FGF14: variants seen among roughly 807,000 people sequenced by gnomAD.
The protein encoded by FGF14 is fibroblast growth factor homologous factor 4.
A neutral mutation model predicts 25.5 loss-of-function variants in FGF14; 5 were observed. That is an observed-to-expected ratio of 0.20 (90% CI 0.10 to 0.41). The LOEUF (loss-of-function observed/expected upper bound fraction) is 0.41. Among genes scored for constraint, FGF14 ranks in the 10% least tolerant of loss-of-function variants. The probability of loss-of-function intolerance (pLI) is 1.00; values close to 1 mark genes in which losing one functional copy is unlikely to be tolerated. For missense variants in FGF14, 222 were observed against 320.1 expected, an observed-to-expected ratio of 0.69 and a Z score of 2.34; for synonymous variants, 138 against 118.3, an observed-to-expected ratio of 1.17 and a Z score of -1.08.
chr13:102,105,888 C>T (rs1049198611), intron 1 of FGF14, among the ~76,000 whole-genome samples: 1 of 152,128 alleles, frequency 6.6e-6, no homozygotes, highest in African/African-American at 2.4e-5. Flanking sequence ...ATGGCATTAT[C>T]TATTAATTAT....
chr13:102,349,958 G>A (rs1001794959), intron 1 of FGF14, among the ~76,000 whole-genome samples: 4 of 152,188 alleles, frequency 2.6e-5, no homozygotes, highest in African/African-American at 4.8e-5. Flanking sequence ...ACACATGTGC[G>A]TGCACACTGA....
chr13:101,985,720 T>G (rs4097137), intron 1 of FGF14, among the ~76,000 whole-genome samples: 5,861 of 152,198 alleles, frequency 0.039, 339 homozygotes, highest in African/African-American at 0.13. Flanking sequence ...ATGCTATGCA[T>G]AAATTTGTGA....
intron 1 of FGF14, among the ~76,000 whole-genome samples, chr13:101,988,453 AC>A (rs1041883917): frequency 3.9e-4 from 60 of 152,182 alleles, no homozygotes; most frequent in African/African-American, 1.3e-3. Context: ...CTTGGAACCA[AC>A]CCAAATGTCC....
At chr13:101,851,731 A>G (rs2043861049) in intron 3 of FGF14, among the ~76,000 whole-genome samples, 1 of 152,086 alleles carries the variant, frequency 6.6e-6, no homozygotes, top group Non-Finnish European at 1.5e-5. Context: ...AGTGTAAGGC[A>G]TCATTCTGAG....
intron 1 of FGF14, among the ~76,000 whole-genome samples, chr13:101,989,960 G>C (rs547312083): frequency 6.6e-6 from 1 of 152,180 alleles, no homozygotes; most frequent in East Asian, 1.9e-4. Context: ...TTTATTATAA[G>C]ATTAATAAAT....
At chr13:102,124,295 T>C (rs1186695685) in intron 1 of FGF14, among the ~76,000 whole-genome samples, 1 of 150,670 alleles carries the variant, frequency 6.6e-6, no homozygotes, top group East Asian at 2.0e-4. Flanking sequence ...AAAGGTAGTA[T>C]AGGAAAGCAT....
intron 1 of FGF14, among the ~76,000 whole-genome samples, chr13:102,239,031 C>T (rs2051459910): frequency 6.6e-6 from 1 of 151,808 alleles, no homozygotes; most frequent in Admixed American, 6.6e-5. Flanking sequence ...AGAGGCAGAA[C>T]ACTTCACTGC....
At chr13:101,744,262 T>C (rs1220723376) in intron 3 of FGF14, among the ~76,000 whole-genome samples, 1 of 151,998 alleles carries the variant, frequency 6.6e-6, no homozygotes, top group African/African-American at 2.4e-5. Context: ...ATCCTACAGA[T>C]CTACATCCAG....
At chr13:102,313,902 A>G (rs924417167) in intron 1 of FGF14, among the ~76,000 whole-genome samples, 4 of 152,154 alleles carry the variant, frequency 2.6e-5, no homozygotes, top group African/African-American at 9.7e-5. Flanking sequence ...TAAAATACCA[A>G]TTATTTTCTC....
chr13:101,936,647 CT>C (rs1212366182), intron 1 of FGF14, among the ~76,000 whole-genome samples: 2 of 152,178 alleles, frequency 1.3e-5, no homozygotes, highest in African/African-American at 4.8e-5. Context: ...AATATATCCT[CT>C]GGGAGCTAGC....
intron 1 of FGF14, among the ~76,000 whole-genome samples, chr13:101,891,733 T>A (rs1249877200): frequency 6.6e-6 from 1 of 152,082 alleles, no homozygotes; most frequent in Non-Finnish European, 1.5e-5. Flanking sequence ...CACACATATA[T>A]AAATATACAT....
At chr13:101,850,683 A>G (rs1053248420) in intron 3 of FGF14, among the ~76,000 whole-genome samples, 1 of 143,242 alleles carries the variant, frequency 7.0e-6, no homozygotes, top group Admixed American at 7.2e-5. Context: ...TAGAATATAT[A>G]TAGAATATAT....
intron 3 of FGF14, among the ~76,000 whole-genome samples, chr13:101,818,948 T>C (rs559166216): frequency 1.3e-5 from 2 of 152,302 alleles, no homozygotes; most frequent in Non-Finnish European, 1.5e-5. Flanking sequence ...CCTTTCATTA[T>C]TTCTTCTGTT....
At chr13:101,991,303 C>T (rs892626545) in intron 1 of FGF14, among the ~76,000 whole-genome samples, 1 of 151,926 alleles carries the variant, frequency 6.6e-6, no homozygotes, top group Non-Finnish European at 1.5e-5. Flanking sequence ...ATGTCTCTTC[C>T]ATAAGGAAAC....
intron 1 of FGF14, among the ~76,000 whole-genome samples, chr13:102,016,493 C>T (rs1042478622): frequency 2.0e-4 from 31 of 152,054 alleles, no homozygotes; most frequent in African/African-American, 7.2e-4. Context: ...AATACAAATA[C>T]CTAGACCTAA....
At chr13:102,381,330 T>G in intron 1 of FGF14, among the ~76,000 whole-genome samples, 1 of 152,174 alleles carries the variant, frequency 6.6e-6, no homozygotes. Flanking sequence ...TAATCTTCAA[T>G]GCAATTAATA....
Position 101,799,872 on chromosome 13 carries a change from A to G in FGF14, c.408+68853T>C, listed in dbSNP as rs1166961734. Among the ~76,000 whole-genome samples the G allele has an allele frequency of 2.6e-5, 4 of 152,160 alleles. No individual in the cohort carries two copies. The East Asian group carries it at 7.7e-4, about 29-fold the overall frequency. ...CGAAAAATAGTCTTCAGAATTGTCC[A>G]CAGTAATGATTTCATGGAAATTACA... On this transcript the variant is annotated intron_variant, in intron 3 of 4. Coordinates refer to ENST00000376143, the MANE Select transcript of FGF14 (RefSeq NM_004115.4).
chr13:102,330,007 G>A (rs551019554), intron 1 of FGF14, among the ~76,000 whole-genome samples: 4 of 152,144 alleles, frequency 2.6e-5, no homozygotes, highest in East Asian at 3.9e-4. Context: ...AGTTAAACCC[G>A]CAATCGTGCC....
At chr13:102,279,120 C>T (rs950973888) in intron 1 of FGF14, among the ~76,000 whole-genome samples, 2 of 152,082 alleles carry the variant, frequency 1.3e-5, no homozygotes, top group Non-Finnish European at 2.9e-5. Context: ...CCCATAATCC[C>T]TCCATCAAGA....
Sources: allele counts gnomAD v4.1 joint callset (sites outside exome capture counted in the v4.1 genomes callset), GRCh38; gene constraint gnomAD v4.1.1; transcripts MANE v1.5; gene names NCBI Gene and HGNC (gene_info 2026-07-23, HGNC 2026-07-21).